Variants in LAMB3 observed in about 807,000 individuals in gnomAD.
LAMB3 encodes the protein laminin subunit beta 3.
LAMB3 carries 104 observed loss-of-function variants against 140.3 expected under a neutral mutation model. The ratio of observed to expected loss-of-function variants is 0.74; its 90% CI spans 0.63 to 0.87. The LOEUF (loss-of-function observed/expected upper bound fraction) is 0.87. Among genes scored for constraint, LAMB3 ranks in the 40% least tolerant of loss-of-function variants. The probability of loss-of-function intolerance (pLI) is 0.00; values close to 1 mark genes in which losing one functional copy is unlikely to be tolerated. For synonymous variants in LAMB3, 592 were observed against 602.9 expected (o/e 0.98, Z 0.26); for missense variants, 1,531 against 1,575.2 (o/e 0.97, Z 0.47).
At position 209,623,195 on chromosome 1, in the gene LAMB3, G is replaced by T. The variant is rs201762576; in HGVS notation, c.2359-16C>A. On this transcript the variant is annotated splice_polypyrimidine_tract_variant and intron_variant, in intron 16 of 22. Coordinates refer to ENST00000356082, the MANE Select transcript of LAMB3 (RefSeq NM_000228.3). This position sits in a 1 kb window ranked among gnomAD's most constrained non-coding sequence, Gnocchi z 4.2. ...TGCCACAGAGCTGTGGACAGATGGC[G>T]GTGTTAAAGAGGCTACCCAAAGCCC... The T allele has an allele frequency of 1.9e-6, 3 of 1,613,768 alleles. No individual in the cohort carries two copies. Among genetic ancestry groups the T allele is most frequent in the Non-Finnish European group, 2.5e-6 (3 of 1,179,774 alleles).
chr1:209,625,630 G>A lies in LAMB3; in HGVS notation c.1976+18C>T, dbSNP rs1417294617. ...GGAGCATAATTCTTGCAAATGCTTG[G>A]CAGGGAAAGGGAATTACCTGAGGGA... On this transcript the variant is annotated intron_variant, in intron 14 of 22. Transcript: ENST00000356082. 6.2e-7 allele frequency: 1 copy of A among 1,614,022 alleles called. No individual in the cohort carries two copies.
At chr1:209,616,219 T>C (rs1401043089) in intron 22 of LAMB3, among the ~76,000 whole-genome samples, 3 of 152,168 alleles carry the variant, frequency 2.0e-5, no homozygotes, top group African/African-American at 7.2e-5. Context: ...GAATAAAAAA[T>C]ATGACCCCAC....
intron 12 of LAMB3, 50 bp from the exon 13 acceptor site, chr1:209,627,028 T>C (rs1406072809): frequency 7.5e-7 from 1 of 1,324,730 alleles, no homozygotes; most frequent in Non-Finnish European, 1.1e-6. Flanking sequence ...GCCTCTGCCT[T>C]ACCCTGGTGT....
rs2076430714 is a variant in LAMB3 at position 209,638,775 on chromosome 1, A to T, written c.184-127T>A. 5.7e-6 allele frequency: 4 copies of T among 703,178 alleles called. No homozygotes were observed. In the Admixed American group the frequency reaches 8.1e-5, roughly 14 times the overall value. The allele number at this position is 703,178 out of a possible 1,614,324, so 43.6% of individuals were successfully genotyped here. A position where few individuals can be genotyped will look rare whatever the true frequency, so the allele number is the denominator to read the frequency against. On this transcript the variant is annotated intron_variant, in intron 3 of 22. Transcript: ENST00000356082. ...CTTAGGAATCACTAATTTTATTAATACAATTTGAAGGGTTAATCTCTTAAA... is the reference window on the plus strand; with the variant it reads ...CTTAGGAATCACTAATTTTATTAATTCAATTTGAAGGGTTAATCTCTTAAA...
At chr1:209,621,914 C>A (rs1399820450) in intron 18 of LAMB3, among the ~76,000 whole-genome samples, 1 of 152,180 alleles carries the variant, frequency 6.6e-6, no homozygotes, top group East Asian at 1.9e-4. Flanking sequence ...CCTGGAGTCC[C>A]CATTCTAGTG....
rs751818569 is a variant in LAMB3 at position 209,650,086 on chromosome 1, A to T, written c.61T>A (p.Cys21Ser). 2 of 1,614,068 alleles carry T rather than the reference A, an allele frequency of 1.2e-6. No homozygotes were observed. The highest frequency in any genetic ancestry group is 1.7e-6 in the Non-Finnish European group (2 of 1,180,010). The change falls in exon 3 of 23, where the codon TGC becomes AGC. Residue 21 changes from cysteine to serine, a missense_variant. By Grantham distance (112) the Cys-to-Ser change is moderately radical. Transcript: ENST00000356082. ...GGTGGATAGCAGGCCCCACGGGAGC[A>T]GGCTTGTTGGGCATGCAGGAGGCCA... ...LPGLLHAQQA[C>S]SRGACYPPVG...
intron 3 of LAMB3, 31 bp downstream of exon 3, chr1:209,649,933 C>T (rs2102465796): frequency 1.2e-6 from 2 of 1,613,608 alleles, no homozygotes; most frequent in East Asian, 2.2e-5. Flanking sequence ...TCCCATCCCG[C>T]CTTCCTCCAG....
chr1:209,650,130 G>A lies in LAMB3; in HGVS notation c.29-12C>T. ...GAGGCCAGGCAGGGCTGAAATCACA[G>A]GGATGTGTGATGGAGCAGTCCAGAA... On this transcript the variant is annotated splice_polypyrimidine_tract_variant and intron_variant, in intron 2 of 22. Transcript: ENST00000356082. 6.2e-7 allele frequency: 1 copy of A among 1,610,706 alleles called. No individual in the cohort carries two copies.
intron 6 of LAMB3, 152 bp downstream of exon 6, chr1:209,634,295 C>T: frequency 7.6e-6 from 6 of 787,068 alleles, no homozygotes; most frequent in Non-Finnish European, 1.3e-5. Flanking sequence ...AGGGTGGCCA[C>T]AGGGGTCATT....
intron 18 of LAMB3, among the ~76,000 whole-genome samples, chr1:209,621,091 G>C (rs1666172574): frequency 6.6e-6 from 1 of 152,232 alleles, no homozygotes; most frequent in African/African-American, 2.4e-5. Flanking sequence ...GACAAAAGGG[G>C]CCTGGCAGCT....
chr1:209,639,633 AC>A (rs2076446946), intron 3 of LAMB3, among the ~76,000 whole-genome samples: 1 of 151,850 alleles, frequency 6.6e-6, no homozygotes, highest in Non-Finnish European at 1.5e-5. Flanking sequence ...ATACACACAC[AC>A]ACACACACGC....
intron 8 of LAMB3, 114 bp downstream of exon 8, chr1:209,632,469 A>G (rs903192624): frequency 1.1e-5 from 9 of 805,204 alleles, no homozygotes; most frequent in Admixed American, 7.7e-5. Context: ...CTGAAGTATT[A>G]AATACCCAAG....
At chr1:209,619,041 C>G (rs1666097045) in intron 18 of LAMB3, among the ~76,000 whole-genome samples, 1 of 152,348 alleles carries the variant, frequency 6.6e-6, no homozygotes, top group East Asian at 1.9e-4. Context: ...TGGCCAGAAA[C>G]TGGAGCTGCT....
At chr1:209,630,871 C>G (rs1666662842) in intron 8 of LAMB3, 136 bp from the exon 9 acceptor site, 2 of 971,294 alleles carry the variant, frequency 2.1e-6, no homozygotes, top group Admixed American at 4.1e-5. Context: ...GAAGCTTCCT[C>G]TGAATGCCGC....
chr1:209,642,047 T>G (rs2076473503), intron 3 of LAMB3, among the ~76,000 whole-genome samples: 1 of 152,196 alleles, frequency 6.6e-6, no homozygotes, highest in Non-Finnish European at 1.5e-5. Flanking sequence ...AGCCTCTTTC[T>G]TTCCCTGGGC....
chr1:209,649,231 A>G (rs2076543731), intron 3 of LAMB3, among the ~76,000 whole-genome samples: 1 of 152,194 alleles, frequency 6.6e-6, no homozygotes, highest in South Asian at 2.1e-4. Context: ...CTCGGGACAA[A>G]TCACTCCCTT....
intron 9 of LAMB3, 171 bp downstream of exon 9, chr1:209,630,444 C>T: frequency 1.3e-6 from 1 of 768,248 alleles, no homozygotes; most frequent in Non-Finnish European, 2.1e-6. Flanking sequence ...CACCCAAATA[C>T]TCTCTCCATC....
chr1:209,635,465 C>T (rs1666864993), intron 5 of LAMB3, among the ~76,000 whole-genome samples: 1 of 152,150 alleles, frequency 6.6e-6, no homozygotes, highest in South Asian at 2.1e-4. Context: ...TGCAGTGGTA[C>T]GATCTTGGCT....
At chr1:209,617,757 C>T in intron 20 of LAMB3, 150 bp downstream of exon 20, 1 of 1,241,868 alleles carries the variant, frequency 8.1e-7, no homozygotes, top group Admixed American at 1.9e-5. Flanking sequence ...ACCAGAAAAT[C>T]CAAGGCCCAT....
Sources: gnomAD v4.1 joint callset for allele counts (sites outside exome capture counted in the v4.1 genomes callset) on GRCh38, gnomAD v4.1.1 for gene constraint, Gnocchi (gnomAD v3.1) non-coding constraint, MANE v1.5 for transcripts, NCBI Gene and HGNC (gene_info 2026-07-23, HGNC 2026-07-21) for gene names.